Variants in GRAMD1C observed in about 807,000 individuals in gnomAD.
GRAMD1C encodes the protein protein Aster-C.
In GRAMD1C, 89 loss-of-function variants were observed where a neutral mutation model predicts 97.8. The ratio of observed to expected loss-of-function variants is 0.91; its 90% confidence interval spans 0.77 to 1.09. The LOEUF is 1.09. Ranked by LOEUF, GRAMD1C falls within the 50% of genes least tolerant of loss-of-function variation. The pLI is 0.00. For missense variants in GRAMD1C, 740 were observed against 766.4 expected (o/e 0.97, Z 0.41); for synonymous variants, 256 against 267.0 (o/e 0.96, Z 0.40).
chr3:113,830,017 G>C (rs1291348397), intron 1 of GRAMD1C, among the ~76,000 whole-genome samples: 1 of 152,142 alleles, frequency 6.6e-6, no homozygotes, highest in African/African-American at 2.4e-5. Flanking sequence ...AATATGGGTT[G>C]CTGCTTCCAT....
intron 6 of GRAMD1C, among the ~76,000 whole-genome samples, chr3:113,894,313 C>A (rs951822069): frequency 2.6e-5 from 4 of 151,706 alleles, no homozygotes; most frequent in African/African-American, 9.7e-5. Context: ...GAGTCTTGCT[C>A]TGTTGCCCAG....
rs1338865530 is a variant in GRAMD1C at position 113,936,309 on chromosome 3, T to C, written c.1500T>C (p.Ile500=). 1.2e-6 allele frequency: 2 copies of C among 1,608,502 alleles called. No individual in the cohort carries two copies. Among genetic ancestry groups the C allele is most frequent in the Non-Finnish European group, 1.7e-6 (2 of 1,175,406 alleles). ...LIEESVLNQA[I]EDPGKLTGLR... ...AAGAATCTGTATTAAATCAGGCCAT[T>C]GAAGACCCTGGAAAACTTACTGGCC... The change falls in exon 14 of 18, where the codon ATT becomes ATC. Residue 500 remains isoleucine, a synonymous_variant. Transcript: ENST00000358160.
At chr3:113,887,085 G>GTTTTTTGTTTT (rs1935524436) in intron 6 of GRAMD1C, among the ~76,000 whole-genome samples, 4 of 71,444 alleles carry the variant, frequency 5.6e-5, no homozygotes, top group Non-Finnish European at 8.7e-5. Context: ...TGGCCTTTTT[G>GTTTTTTGTTTT]TTTTTTTTTT....
intron 10 of GRAMD1C, chr3:113,920,169 C>A: frequency 7.2e-7 from 1 of 1,394,784 alleles, no homozygotes; most frequent in South Asian, 1.2e-5. Context: ...TCTCCAGAAT[C>A]ACAGGCATCT....
rs564844453 is a variant in GRAMD1C, at chr3:113,885,259, G to GT, written c.540+2428dup. ...CCCGGGGGGCTGGCGGAGCTGGGCC[G>GT]TGGGGGCCTCCGGGGCCGGCGGTGC... On this transcript the variant is annotated intron_variant, in intron 6 of 17. Coordinates refer to ENST00000358160, the MANE Select transcript of GRAMD1C (RefSeq NM_017577.5). The GT allele has an allele frequency of 4.9e-4, 615 of 1,258,470 alleles. 7 individuals are homozygous for GT. The South Asian group carries it at 7.2e-3, about 15-fold the overall frequency. 78.0% of individuals were successfully genotyped at this position (1,258,470 alleles called of 1,614,324 possible).
At chr3:113,836,516 T>C (rs1276957095), upstream of GRAMD1C, among the ~76,000 whole-genome samples, 2 of 134,486 alleles carry the variant, frequency 1.5e-5, no homozygotes, top group African/African-American at 5.3e-5. Flanking sequence ...ATGGTGCTAC[T>C]TCACTCCTAA....
intron 6 of GRAMD1C, among the ~76,000 whole-genome samples, chr3:113,884,889 C>T (rs1400593305): frequency 5.4e-5 from 8 of 148,392 alleles, no homozygotes; most frequent in African/African-American, 2.0e-4. Context: ...GACCACTCTC[C>T]GCTTTCCCCC....
chr3:113,870,206 A>C (rs965386372), intron 3 of GRAMD1C, among the ~76,000 whole-genome samples: 21 of 152,024 alleles, frequency 1.4e-4, no homozygotes, highest in African/African-American at 5.1e-4. Flanking sequence ...TATTATAAAA[A>C]AAAAAAATTA....
At chr3:113,891,477 G>A (rs1418402529) in intron 6 of GRAMD1C, among the ~76,000 whole-genome samples, 1 of 151,688 alleles carries the variant, frequency 6.6e-6, no homozygotes, top group Non-Finnish European at 1.5e-5. Context: ...TTGATCTTGT[G>A]TAATACTCTT....
intron 7 of GRAMD1C, among the ~76,000 whole-genome samples, chr3:113,903,273 G>A (rs867782750): frequency 6.6e-6 from 1 of 151,834 alleles, no homozygotes; most frequent in Middle Eastern, 3.2e-3. Context: ...ATGCCCGGTC[G>A]GCCTGAATGC....
intron 1 of GRAMD1C, among the ~76,000 whole-genome samples, chr3:113,843,042 A>G (rs983622223): frequency 3.5e-5 from 5 of 142,660 alleles, no homozygotes; most frequent in Admixed American, 7.2e-5. Context: ...CTGGTCCACC[A>G]TAAGCTGTTT....
At chr3:113,835,844 T>A (rs1417271071), upstream of GRAMD1C, among the ~76,000 whole-genome samples, 4 of 152,254 alleles carry the variant, frequency 2.6e-5, no homozygotes, top group African/African-American at 9.6e-5. Context: ...ATTAGTGTTC[T>A]GTGACGTTTT....
At chr3:113,940,017 C>A (rs770325131) in intron 16 of GRAMD1C, 21 bp downstream of exon 16, 3 of 1,197,398 alleles carry the variant, frequency 2.5e-6, no homozygotes, top group Non-Finnish European at 3.7e-6. Context: ...TTCCCCCTGA[C>A]CTGTATTCAC....
At chr3:113,913,477 G>A (rs1196315035) in intron 9 of GRAMD1C, among the ~76,000 whole-genome samples, 3 of 138,820 alleles carry the variant, frequency 2.2e-5, no homozygotes, top group Non-Finnish European at 3.1e-5. Flanking sequence ...AACATTATAA[G>A]TTGCATAAAG....
At chr3:113,860,043 A>C (rs1164832757) in intron 2 of GRAMD1C, among the ~76,000 whole-genome samples, 2 of 151,904 alleles carry the variant, frequency 1.3e-5, no homozygotes, top group African/African-American at 2.4e-5. Context: ...TTTTTTTGAC[A>C]TGGAGGCTTG....
chr3:113,833,124 T>TC (rs1304302105), intron 1 of GRAMD1C, among the ~76,000 whole-genome samples: 1 of 133,398 alleles, frequency 7.5e-6, no homozygotes, highest in Non-Finnish European at 1.6e-5. Context: ...TTCTTTCTTT[T>TC]TTTTTTTTTT....
At chr3:113,856,543 GTATT>G (rs1374733958) in intron 2 of GRAMD1C, among the ~76,000 whole-genome samples, 1 of 151,702 alleles carries the variant, frequency 6.6e-6, no homozygotes, top group African/African-American at 2.4e-5. Context: ...ATGTATGTAT[GTATT>G]TATTTATTTA....
intron 2 of GRAMD1C, among the ~76,000 whole-genome samples, chr3:113,855,240 G>A (rs1934072840): frequency 6.6e-6 from 1 of 152,170 alleles, no homozygotes; most frequent in Non-Finnish European, 1.5e-5. Flanking sequence ...GAAACCAGTA[G>A]GTGGAGGTTG....
At chr3:113,846,417 T>G (rs1327642658) in intron 2 of GRAMD1C, among the ~76,000 whole-genome samples, 2 of 152,174 alleles carry the variant, frequency 1.3e-5, no homozygotes, top group Non-Finnish European at 2.9e-5. Flanking sequence ...CTGCACTGAT[T>G]TTTTTTTCTA....
Sources: allele counts gnomAD v4.1 joint callset (sites outside exome capture counted in the v4.1 genomes callset), GRCh38; gene constraint gnomAD v4.1.1; transcripts MANE v1.5; gene names NCBI Gene and HGNC (gene_info 2026-07-23, HGNC 2026-07-21).